The following PDXK variants were observed in gnomAD, a reference collection of about 807,000 sequenced individuals.
The protein encoded by PDXK is epididymis secretory sperm binding protein Li 1a.
A neutral mutation model predicts 43.2 loss-of-function variants in PDXK; 15 were observed. That is an observed-to-expected ratio of 0.35 (90% CI 0.23 to 0.53). The LOEUF is 0.53. PDXK is among the 20% of genes least tolerant of loss of function. The probability of loss-of-function intolerance (pLI) is 0.92; values close to 1 mark genes in which losing one functional copy is unlikely to be tolerated. For missense variants in PDXK, 343 were observed against 417.0 expected, an observed-to-expected ratio of 0.82 and a Z score of 1.54; for synonymous variants, 172 against 165.4, an observed-to-expected ratio of 1.04 and a Z score of -0.31.
At position 43,719,375 on chromosome 21, in the gene PDXK, G is replaced by T. The variant is rs771333909; in HGVS notation, c.81G>T (p.Pro27=). The change falls in exon 1 of 11, where the codon CCG becomes CCT. Residue 27 remains proline (P), a synonymous_variant. Transcript: ENST00000291565. ...GYVGNRAATF[P]LQVLGFEIDA... is the part of the protein sequence containing the mutation. ...TGGGCAACCGGGCGGCCACGTTCCC[G>T]CTGCAGGTACGCATCCGCCCGCAGC... The T allele has an allele frequency of 3.9e-6, 6 of 1,523,004 alleles. No homozygotes were observed. Among genetic ancestry groups the T allele is most frequent in the Non-Finnish European group, 5.3e-6 (6 of 1,136,272 alleles). The allele number at this position is 1,523,004 out of a possible 1,614,324, so 94.3% of individuals were successfully genotyped here.
chr21:43,755,856 G>A, intron 10 of PDXK, 92 bp downstream of exon 10: 4 of 1,452,818 alleles, frequency 2.8e-6, no homozygotes, highest in Non-Finnish European at 3.9e-6. Flanking sequence ...TTGAAGGTGT[G>A]ATCGGTGTCT....
chr21:43,724,818 G>A (rs1306266770), intron 1 of PDXK, among the ~76,000 whole-genome samples: 2 of 151,012 alleles, frequency 1.3e-5, no homozygotes, highest in Non-Finnish European at 2.9e-5. Flanking sequence ...TCCAGCCTGG[G>A]TGACAGAGTG....
chr21:43,728,820 G>T (rs961122511), intron 1 of PDXK: 4 of 985,616 alleles, frequency 4.1e-6, no homozygotes, highest in Non-Finnish European at 4.8e-6. Context: ...CTGCGGTCCA[G>T]CCGGATGACT....
chr21:43,724,423 G>A (rs1323462175), intron 1 of PDXK, among the ~76,000 whole-genome samples: 1 of 152,194 alleles, frequency 6.6e-6, no homozygotes, highest in African/African-American at 2.4e-5. Context: ...TGGGACCTCA[G>A]CACTTGAGCA....
chr21:43,744,299 G>C (rs1198988367), intron 4 of PDXK, among the ~76,000 whole-genome samples: 1 of 152,194 alleles, frequency 6.6e-6, no homozygotes, highest in Admixed American at 6.5e-5. Flanking sequence ...TGCCTTGATC[G>C]GTCTTTCGTT....
rs1022588898 is a variant in PDXK at position 43,759,122 on chromosome 21, C to T, written c.*3059C>T. On this transcript the variant is annotated 3_prime_UTR_variant, in exon 11 of 11. Coordinates refer to ENST00000291565, the MANE Select transcript of PDXK (RefSeq NM_003681.5). The stretch of plus-strand genomic sequence containing the variant: ...TGCACCAGGTAAGAGGCCAAAGCCC[C>T]TGGGGTAACAGTCCCCACCGCTACC... 1.3e-5 allele frequency: 2 copies of T among 152,272 alleles called. No homozygotes were observed. The highest frequency in any genetic ancestry group is 2.9e-5 in the Non-Finnish European group (2 of 68,034). 9.4% of individuals were successfully genotyped at this position (152,272 alleles called of 1,614,324 possible).
intron 1 of PDXK, among the ~76,000 whole-genome samples, chr21:43,721,141 A>G (rs117968306): frequency 0.016 from 2,375 of 152,280 alleles, 29 homozygotes; most frequent in Middle Eastern, 0.075. Flanking sequence ...AGGAGAAGCA[A>G]TGTGATGACC....
chr21:43,745,983 C>A (rs2147284251), intron 4 of PDXK, 96 bp from the exon 5 acceptor site: 2 of 981,302 alleles, frequency 2.0e-6, no homozygotes, highest in East Asian at 2.4e-5. Flanking sequence ...GACAACAGAG[C>A]AAGACCCTGT....
chr21:43,743,910 C>G, intron 4 of PDXK, 103 bp downstream of exon 4: 1 of 741,166 alleles, frequency 1.3e-6, no homozygotes, highest in Non-Finnish European at 2.3e-6. Context: ...CTCCTCTGCA[C>G]GCCTCCGTGC....
chr21:43,750,952 A>G (rs954717270), intron 7 of PDXK, among the ~76,000 whole-genome samples: 1 of 61,714 alleles, frequency 1.6e-5, no homozygotes, highest in African/African-American at 8.7e-5. Flanking sequence ...GTGTTTGCAC[A>G]TGTGTGTGCA....
At chr21:43,747,223 A>G (rs1300391373) in intron 5 of PDXK, 1 of 152,290 alleles carries the variant, frequency 6.6e-6, no homozygotes, top group Non-Finnish European at 1.5e-5. Flanking sequence ...CGTCGGATCA[A>G]GTGGATGGAG....
At chr21:43,729,353 G>C (rs918044813) in intron 1 of PDXK, among the ~76,000 whole-genome samples, 2 of 152,248 alleles carry the variant, frequency 1.3e-5, no homozygotes, top group African/African-American at 4.8e-5. Flanking sequence ...CACGGTTGCA[G>C]CAGGGTCTTG....
chr21:43,746,601 A>C (rs2083642529), intron 5 of PDXK, among the ~76,000 whole-genome samples: 1 of 151,958 alleles, frequency 6.6e-6, no homozygotes, highest in African/African-American at 2.4e-5. Context: ...GTATATTTTT[A>C]CTAGATACGA....
At position 43,734,230 on chromosome 21, in the gene PDXK, G is replaced by A; in HGVS notation, c.142+107G>A. On this transcript the variant is annotated intron_variant, in intron 2 of 10. Transcript: ENST00000291565. The surrounding 1 kb of genome is among the most constrained non-coding windows in gnomAD (Gnocchi z 5.0). ...GCGGAGTGTGGGTGTGAGGGACGGGGCTTTCGTGTGGACGGGGACCTGGAG... is the reference window on the plus strand; with the variant it reads ...GCGGAGTGTGGGTGTGAGGGACGGGACTTTCGTGTGGACGGGGACCTGGAG... 1.9e-6 allele frequency: 2 copies of A among 1,034,168 alleles called. No individual in the cohort carries two copies. The allele number at this position is 1,034,168 out of a possible 1,614,324, so 64.1% of individuals were successfully genotyped here.
At chr21:43,729,333 G>A (rs1250258823) in intron 1 of PDXK, among the ~76,000 whole-genome samples, 2 of 152,260 alleles carry the variant, frequency 1.3e-5, no homozygotes, top group Admixed American at 6.5e-5. Flanking sequence ...TGTCGCGGGG[G>A]CTCCGTAGGC....
At position 43,745,220 on chromosome 21, in the gene PDXK, G is replaced by C. The variant is rs181976893; in HGVS notation, c.332-859G>C. ...GGATCACCTGAAGTCAGGTGTTCGA[G>C]ATCAGCCTGGCCAACATGGTGAAAC... On this transcript the variant is annotated intron_variant, in intron 4 of 10. Transcript: ENST00000291565. Among the ~76,000 whole-genome samples the C allele has an allele frequency of 1.8e-3, 277 of 152,260 alleles. 1 individual carries two copies. The highest frequency in any genetic ancestry group is 6.0e-3 in the African/African-American group (250 of 41,546).
In PDXK at chr21:43,753,440, G is replaced by A. The variant is rs1279695239; in HGVS notation, c.623-143G>A. 8.8e-6 allele frequency: 6 copies of A among 682,994 alleles called. No homozygotes were observed. In the African/African-American group the frequency reaches 1.1e-4, roughly 13 times the overall value. The allele number at this position is 682,994 out of a possible 1,614,324, so 42.3% of individuals were successfully genotyped here. On this transcript the variant is annotated intron_variant, in intron 8 of 10. Transcript: ENST00000291565. ...GATGGGGACCCCATGCATGCCCTGAGCCCCCACGTCCTGAGCAAGGCCACC... is the reference window on the plus strand; with the variant it reads ...GATGGGGACCCCATGCATGCCCTGAACCCCCACGTCCTGAGCAAGGCCACC...
At chr21:43,722,994 C>T (rs1163242985) in intron 1 of PDXK, among the ~76,000 whole-genome samples, 3 of 152,148 alleles carry the variant, frequency 2.0e-5, no homozygotes, top group East Asian at 1.9e-4. Flanking sequence ...CCCGCCACCA[C>T]GCCTGGCTAA....
intron 1 of PDXK, among the ~76,000 whole-genome samples, chr21:43,727,356 C>T (rs932580985): frequency 2.0e-5 from 3 of 149,230 alleles, no homozygotes; most frequent in African/African-American, 4.8e-5. Flanking sequence ...GAGGAGGGGC[C>T]GGCAGCGCCT....
Sources: gnomAD v4.1 joint callset for allele counts (sites outside exome capture counted in the v4.1 genomes callset) on GRCh38, gnomAD v4.1.1 for gene constraint, Gnocchi (gnomAD v3.1) non-coding constraint, MANE v1.5 for transcripts, NCBI Gene and HGNC (gene_info 2026-07-23, HGNC 2026-07-21) for gene names.